The following ANKS1B variants were observed in gnomAD, a reference collection of about 807,000 sequenced individuals.
ANKS1B encodes the protein ankyrin repeat and sterile alpha motif domain containing 1B.
A neutral mutation model predicts 148.3 loss-of-function variants in ANKS1B; 36 were observed. That is an observed-to-expected ratio of 0.24 (90% CI 0.19 to 0.32). The LOEUF (loss-of-function observed/expected upper bound fraction) is 0.32. Among genes scored for constraint, ANKS1B ranks in the 10% least tolerant of loss-of-function variants. The probability of loss-of-function intolerance (pLI) is 1.00; values close to 1 mark genes in which losing one functional copy is unlikely to be tolerated. For missense variants in ANKS1B, 1,157 were observed against 1,542.6 expected, an observed-to-expected ratio of 0.75 and a Z score of 4.19; for synonymous variants, 542 against 560.8, an observed-to-expected ratio of 0.97 and a Z score of 0.47.
At chr12:99,533,253 A>G (rs1003701276) in intron 9 of ANKS1B, among the ~76,000 whole-genome samples, 32 of 152,098 alleles carry the variant, frequency 2.1e-4, no homozygotes, top group Admixed American at 5.9e-4. Flanking sequence ...ATCCTTGGTT[A>G]AGTGTATTAG....
In ANKS1B at chr12:98,771,412, TC is replaced by T. The variant is rs551541318; in HGVS notation, c.3579+1629del. On this transcript the variant is annotated intron_variant, in intron 25 of 26. Transcript: ENST00000683438. ...GTCTTGAACTCCTGAACTCAAGTGG[TC>T]CTCTCAACTTGGCATCCCAAAGTAC... 1.3e-3 allele frequency among the ~76,000 whole-genome samples: 191 copies of T among 151,928 alleles called. 2 individuals carry two copies. The highest frequency in any genetic ancestry group is 4.3e-3 in the African/African-American group (180 of 41,402).
At chr12:99,209,226 GCC>G (rs1473680449) in intron 14 of ANKS1B, among the ~76,000 whole-genome samples, 2 of 152,150 alleles carry the variant, frequency 1.3e-5, no homozygotes, top group Non-Finnish European at 2.9e-5. Context: ...CTCGGAAAGA[GCC>G]CAAGTGGTCA....
chr12:99,282,052 T>A (rs551802032), intron 12 of ANKS1B, among the ~76,000 whole-genome samples: 1 of 152,168 alleles, frequency 6.6e-6, no homozygotes, highest in Non-Finnish European at 1.5e-5. Context: ...GTATGTGCAG[T>A]AATAATACAG....
At chr12:99,944,215 C>T (rs1179878561) in intron 1 of ANKS1B, among the ~76,000 whole-genome samples, 1 of 152,182 alleles carries the variant, frequency 6.6e-6, no homozygotes, top group South Asian at 2.1e-4. Flanking sequence ...ACTTGAGCAA[C>T]AGTCACCAAT....
intron 17 of ANKS1B, among the ~76,000 whole-genome samples, chr12:98,938,689 G>A (rs946938576): frequency 6.6e-6 from 1 of 152,230 alleles, no homozygotes; most frequent in Non-Finnish European, 1.5e-5. Context: ...AGACTACTAA[G>A]TCACTTCGAT....
At chr12:99,236,717 G>A (rs372697074) in intron 14 of ANKS1B, among the ~76,000 whole-genome samples, 1 of 152,154 alleles carries the variant, frequency 6.6e-6, no homozygotes, top group South Asian at 2.1e-4. Context: ...GGAATAAGGA[G>A]GGCATGCTTG....
intron 17 of ANKS1B, among the ~76,000 whole-genome samples, chr12:98,929,820 C>T (rs981326047): frequency 7.2e-5 from 11 of 151,944 alleles, no homozygotes; most frequent in Admixed American, 1.3e-4. Context: ...AATGAAAATG[C>T]TAACACTATA....
intron 16 of ANKS1B, among the ~76,000 whole-genome samples, chr12:99,080,877 T>C (rs915161679): frequency 1.3e-4 from 20 of 152,186 alleles, no homozygotes; most frequent in Non-Finnish European, 2.5e-4. Flanking sequence ...AACTTTGGGT[T>C]TGTTTCCTTT....
At chr12:99,802,733 T>C (rs1039357564) in intron 4 of ANKS1B, among the ~76,000 whole-genome samples, 2 of 151,906 alleles carry the variant, frequency 1.3e-5, no homozygotes, top group African/African-American at 4.8e-5. Flanking sequence ...GGCAACATAG[T>C]GAGACCTTTT....
chr12:99,861,377 T>C (rs908132676), intron 1 of ANKS1B, among the ~76,000 whole-genome samples: 1 of 152,234 alleles, frequency 6.6e-6, no homozygotes, highest in East Asian at 1.9e-4. Context: ...TTAAGAAGTG[T>C]AATTTCTTTA....
chr12:99,029,660 A>T (rs1255350607), intron 17 of ANKS1B, among the ~76,000 whole-genome samples: 1 of 152,248 alleles, frequency 6.6e-6, no homozygotes. Context: ...TATTCTTAAC[A>T]ATGTTTGGCA....
At chr12:99,613,474 G>T (rs952462747) in intron 9 of ANKS1B, among the ~76,000 whole-genome samples, 3 of 151,976 alleles carry the variant, frequency 2.0e-5, no homozygotes, top group Admixed American at 2.0e-4. Context: ...ATGATACAAT[G>T]GATAAAGAAA....
chr12:99,417,620 T>G (rs1375205067), intron 11 of ANKS1B, among the ~76,000 whole-genome samples: 1 of 152,140 alleles, frequency 6.6e-6, no homozygotes, highest in Non-Finnish European at 1.5e-5. Context: ...ATGTTAAATC[T>G]AAATATCAAT....
At chr12:99,704,594 T>C (rs1360710857) in intron 8 of ANKS1B, among the ~76,000 whole-genome samples, 1 of 151,814 alleles carries the variant, frequency 6.6e-6, no homozygotes, top group African/African-American at 2.4e-5. Context: ...ACACAAACTC[T>C]CTAATGAAAA....
chr12:99,692,232 A>G (rs1188458899), intron 8 of ANKS1B, among the ~76,000 whole-genome samples: 4 of 150,170 alleles, frequency 2.7e-5, no homozygotes, highest in East Asian at 2.0e-4. Context: ...AAGGAATGAG[A>G]CTAGTTAGAA....
chr12:99,812,590 G>T (rs2068570945), intron 2 of ANKS1B, among the ~76,000 whole-genome samples: 1 of 144,160 alleles, frequency 6.9e-6, no homozygotes, highest in Admixed American at 7.0e-5. Context: ...GAGAGCGAGA[G>T]CACACATTGA....
rs12824820 is a variant in ANKS1B, at chr12:99,780,279, T to C, written c.746-307A>G. Among the ~76,000 whole-genome samples, 150 of 151,836 alleles carry C rather than the reference T, an allele frequency of 9.9e-4. 2 individuals carry two copies. The highest frequency in any genetic ancestry group is 2.3e-3 in the South Asian group (11 of 4,814). On this transcript the variant is annotated intron_variant, in intron 5 of 26. Coordinates refer to ENST00000683438, the MANE Select transcript of ANKS1B (RefSeq NM_001352186.2). ...AAGATTGTTTTTCAGGACCCTATGA[T>C]ATCTTTTTTTTTTTGAGACGGAGTC...
intron 9 of ANKS1B, among the ~76,000 whole-genome samples, chr12:99,512,083 A>G (rs2096772035): frequency 6.6e-6 from 1 of 152,264 alleles, no homozygotes; most frequent in Admixed American, 6.5e-5. Context: ...TAAATTAAAA[A>G]GCTTCTACAC....
intron 8 of ANKS1B, among the ~76,000 whole-genome samples, chr12:99,721,747 A>C (rs1052589459): frequency 5.3e-5 from 8 of 152,236 alleles, no homozygotes; most frequent in Admixed American, 2.0e-4. Flanking sequence ...AAACTTGGTG[A>C]AGTATGTATG....
Sources: gnomAD v4.1 joint callset for allele counts (sites outside exome capture counted in the v4.1 genomes callset) on GRCh38, gnomAD v4.1.1 for gene constraint, MANE v1.5 for transcripts, NCBI Gene and HGNC (gene_info 2026-07-23, HGNC 2026-07-21) for gene names.